PRKD3: variants seen among roughly 807,000 people sequenced by gnomAD.
PRKD3 encodes serine/threonine-protein kinase D3.
In PRKD3, 47 loss-of-function variants were observed where a neutral mutation model predicts 99.2. That is an observed-to-expected ratio of 0.47 (90% CI 0.38 to 0.60). PRKD3 has a LOEUF of 0.60. Ranked by LOEUF, PRKD3 falls within the 20% of genes least tolerant of loss-of-function variation. The pLI, the probability that PRKD3 is intolerant of heterozygous loss-of-function variation, is 0.00. For synonymous variants in PRKD3, 392 were observed against 355.4 expected, an observed-to-expected ratio of 1.10 and a Z score of -1.16; for missense variants, 1,019 against 1,088.4, an observed-to-expected ratio of 0.94 and a Z score of 0.90.
chr2:37,269,878 G>C (rs1016877427), intron 12 of PRKD3, among the ~76,000 whole-genome samples, 191 bp from the exon 13 acceptor site: 1 of 152,178 alleles, frequency 6.6e-6, no homozygotes, highest in African/African-American at 2.4e-5. Flanking sequence ...AATTTTATGT[G>C]CAAGTATAAT....
chr2:37,259,611 A>T lies in PRKD3; in HGVS notation c.2117T>A (p.Leu706Gln). The T allele has an allele frequency of 6.2e-7, 1 of 1,613,440 alleles. No individual in the cohort carries two copies. The highest frequency in any genetic ancestry group is 8.5e-7 in the Non-Finnish European group (1 of 1,179,328). Residue 706 changes from leucine (L) to glutamine (Q), a missense_variant, in exon 16 of 19, where the codon CTG becomes CAG. Leu to Gln is a moderately radical substitution (Grantham distance 113). Around this residue, in one of 3 missense-constraint regions of PRKD3, gnomAD observed 184 missense variants for 275.1 expected, o/e 0.67. Coordinates refer to ENST00000234179, the MANE Select transcript of PRKD3 (RefSeq NM_005813.6). ...VHCDLKPENVLLASAEPFPQV... is the reference protein window; with the variant it reads ...VHCDLKPENVQLASAEPFPQV... ...AGGAAATGGCTCTGCTGATGCAAGC[A>T]GCACATTTTCTGGCTTTAAATCACA...
rs774000161 is a variant in PRKD3, at chr2:37,316,650, CCT to C, written c.-128_-127del. 5 of 1,463,096 alleles carry C rather than the reference CCT, an allele frequency of 3.4e-6. No individual in the cohort carries two copies. The highest frequency in any genetic ancestry group is 4.9e-5 in the East Asian group (2 of 41,006). The allele number at this position is 1,463,096 out of a possible 1,614,324, so 90.6% of individuals were successfully genotyped here. A position where few individuals can be genotyped will look rare whatever the true frequency, so the allele number is the denominator to read the frequency against. On this transcript the variant is annotated 5_prime_UTR_variant, in exon 2 of 19. An upstream open reading frame in the 5' UTR gains an earlier in-frame stop. Coordinates refer to ENST00000234179, the MANE Select transcript of PRKD3 (RefSeq NM_005813.6). ...GATTTAGTTGAAAACTTCTTTATTT[CCT>C]CTGTTAAGCCACTCATGCCGATACT...
chr2:37,281,838 T>C (rs754324927), intron 7 of PRKD3, among the ~76,000 whole-genome samples: 1 of 152,160 alleles, frequency 6.6e-6, no homozygotes, highest in African/African-American at 2.4e-5. Context: ...TTACCAGTCA[T>C]GTAAATTGTT....
At chr2:37,324,520 T>TGTC (rs1553381717) in intron 1 of PRKD3, 161 bp downstream of exon 1, 2 of 131,756 alleles carry the variant, frequency 1.5e-5, no homozygotes, top group East Asian at 2.8e-4. Context: ...GTCCGAGTCC[T>TGTC]GTCGCCGCCG....
Position 37,254,232 on chromosome 2 carries a change from T to C in PRKD3, c.2471A>G (p.Asp824Gly), listed in dbSNP as rs1330858981. The C allele has an allele frequency of 6.2e-7, 1 of 1,613,108 alleles. No individual in the cohort carries two copies. The highest frequency in any genetic ancestry group is 1.1e-5 in the South Asian group (1 of 91,074). Residue 824 changes from aspartate (D) to glycine (G), a missense_variant, in exon 18 of 19, where the codon GAC becomes GGC. Transcript: ENST00000234179. ...QVKMRKRYSVDKSLSHPWLQD... is the reference protein window; with the variant it reads ...QVKMRKRYSVGKSLSHPWLQD... ...TAGCCAGGGATGACTAAGAGATTTGTCAACACTGTAACGTTTTCTCATCTT... is the reference window on the plus strand; with the variant it reads ...TAGCCAGGGATGACTAAGAGATTTGCCAACACTGTAACGTTTTCTCATCTT...
intron 18 of PRKD3, 36 bp downstream of exon 18, chr2:37,254,168 T>G: frequency 2.0e-6 from 3 of 1,481,920 alleles, no homozygotes; most frequent in East Asian, 2.3e-5. Flanking sequence ...ACTACTCAAA[T>G]GAGGATTGCC....
At chr2:37,275,126 A>C (rs1035790024) in intron 10 of PRKD3, among the ~76,000 whole-genome samples, 2 of 152,128 alleles carry the variant, frequency 1.3e-5, no homozygotes, top group Admixed American at 1.3e-4. Flanking sequence ...AGCCACTCCC[A>C]TTCTGGTTCT....
At chr2:37,253,489 T>C in intron 18 of PRKD3, 139 bp from the exon 19 acceptor site, 3 of 570,636 alleles carry the variant, frequency 5.3e-6, no homozygotes, top group Non-Finnish European at 8.5e-6. Flanking sequence ...GTATCTACTA[T>C]GTACTAAGTT....
intron 16 of PRKD3, among the ~76,000 whole-genome samples, chr2:37,257,204 A>AT (rs753384593): frequency 6.6e-6 from 1 of 152,188 alleles, no homozygotes; most frequent in Non-Finnish European, 1.5e-5. Context: ...GACTGGTGTT[A>AT]TAAGTGTTCT....
chr2:37,266,867 T>C (rs1668879776), intron 14 of PRKD3, among the ~76,000 whole-genome samples: 1 of 152,224 alleles, frequency 6.6e-6, no homozygotes, highest in Admixed American at 6.5e-5. Flanking sequence ...TTATAAATTA[T>C]TTATATGATA....
intron 6 of PRKD3, among the ~76,000 whole-genome samples, chr2:37,283,900 CAAA>C (rs397872003): frequency 2.2e-5 from 2 of 89,670 alleles, no homozygotes; most frequent in Non-Finnish European, 2.4e-5. Context: ...GACTCTGTCT[CAAA>C]AAAAAAAAAA....
At chr2:37,256,575 G>C (rs1667957470) in intron 17 of PRKD3, 87 bp downstream of exon 17, 2 of 1,386,218 alleles carry the variant, frequency 1.4e-6, no homozygotes, top group Non-Finnish European at 1.9e-6. Flanking sequence ...AGTTGCAAGA[G>C]ACAGACTGAT....
chr2:37,300,065 C>T (rs924543679), intron 2 of PRKD3, among the ~76,000 whole-genome samples: 36 of 152,120 alleles, frequency 2.4e-4, no homozygotes, highest in Admixed American at 1.9e-3. Flanking sequence ...AAGATATCCG[C>T]GATCCCATGG....
chr2:37,263,992 G>GT (rs1029560869), intron 14 of PRKD3, among the ~76,000 whole-genome samples: 55 of 152,162 alleles, frequency 3.6e-4, no homozygotes, highest in African/African-American at 1.3e-3. Flanking sequence ...AATTACATAG[G>GT]TACCTACAAG....
chr2:37,267,294 A>G (rs947235759), intron 14 of PRKD3, 136 bp downstream of exon 14: 13 of 531,498 alleles, frequency 2.4e-5, no homozygotes, highest in African/African-American at 2.4e-4. Context: ...ATAAAGCAAG[A>G]TATTGGCAGT....
At chr2:37,280,102 G>C (rs1669781596) in intron 7 of PRKD3, among the ~76,000 whole-genome samples, 173 bp from the exon 8 acceptor site, 1 of 151,128 alleles carries the variant, frequency 6.6e-6, no homozygotes, top group Admixed American at 6.6e-5. Context: ...ACCCAGGCTG[G>C]AGTGTGATCT....
intron 17 of PRKD3, among the ~76,000 whole-genome samples, chr2:37,256,018 T>TA (rs1343491918): frequency 6.6e-6 from 1 of 151,974 alleles, no homozygotes; most frequent in East Asian, 1.9e-4. Context: ...TCAATAAAAA[T>TA]AAAAAAAGAT....
intron 13 of PRKD3, chr2:37,268,168 A>G: frequency 2.7e-6 from 1 of 365,672 alleles, no homozygotes; most frequent in Non-Finnish European, 5.5e-6. Flanking sequence ...TGTTCTTCAA[A>G]TATGTATCTG....
At position 37,289,622 on chromosome 2, in the gene PRKD3, A is replaced by G. The variant is rs1178814157; in HGVS notation, c.560-109T>C. Reference sequence around the variant, plus strand: ...TTATTTAACATATTTTCTGTTAGCCATACCTATCCTAATTAAGAACCCAGA... The same window carrying G: ...TTATTTAACATATTTTCTGTTAGCCGTACCTATCCTAATTAAGAACCCAGA... On this transcript the variant is annotated intron_variant, in intron 4 of 18. Coordinates refer to ENST00000234179, the MANE Select transcript of PRKD3 (RefSeq NM_005813.6). 6 of 910,684 alleles carry G rather than the reference A, an allele frequency of 6.6e-6. No homozygotes were observed. The South Asian group carries it at 8.5e-5, about 13-fold the overall frequency. The allele number at this position is 910,684 out of a possible 1,614,324, so 56.4% of individuals were successfully genotyped here.
Sources: allele counts gnomAD v4.1 joint callset (sites outside exome capture counted in the v4.1 genomes callset), GRCh38; gene constraint gnomAD v4.1.1; regional missense constraint gnomAD v4.1.1; transcripts MANE v1.5; gene names NCBI Gene and HGNC (gene_info 2026-07-23, HGNC 2026-07-21).